PUDP: variants seen among roughly 807,000 people sequenced by gnomAD.
PUDP encodes pseudouridine-5'-phosphatase.
A neutral mutation model predicts 9.4 loss-of-function variants in PUDP; 8 were observed. The observed-to-expected ratio is 0.85, with a 90% CI of 0.50 to 1.53. The LOEUF (loss-of-function observed/expected upper bound fraction) is 1.53. PUDP is among the 40% of genes most tolerant of loss of function. The pLI, the probability that PUDP is intolerant of heterozygous loss-of-function variation, is 0.00. For missense variants in PUDP, 188 were observed against 189.7 expected (o/e 0.99, Z 0.05); for synonymous variants, 99 against 80.7 (o/e 1.23, Z -1.22).
rs35067802 is a variant in PUDP, at chrX:6,911,200, CT to C, written c.*247+65932del. On this transcript the variant is annotated intron_variant and NMD_transcript_variant, in intron 3 of 3. Coordinates refer to the PUDP transcript ENST00000655425. ...TGATTTTTTCTTTGATTTTCTTTTT[CT>C]TTTTTTTTTTTTGAGACAGAGCCTC... Among the ~76,000 whole-genome samples the C allele has an allele frequency of 4.8e-3, 484 of 100,249 alleles. 1 individual carries two copies. The highest frequency in any genetic ancestry group is 7.6e-3 in the Non-Finnish European group (372 of 49,076). The allele number at this position is 100,249 out of a possible 115,157, so 87.1% of individuals were successfully genotyped here. A position where few individuals can be genotyped will look rare whatever the true frequency, so the allele number is the denominator to read the frequency against.
chrX:7,143,821 CCT>C (rs1932821230), intron 1 of PUDP, among the ~76,000 whole-genome samples: 1 of 111,916 alleles, frequency 8.9e-6, no homozygotes, highest in South Asian at 3.7e-4. Context: ...AATCATGGCC[CCT>C]GAGATAAGGG....
chrX:6,946,971 G>GTT (rs58707505), intron 3 of PUDP, among the ~76,000 whole-genome samples: 10 of 82,722 alleles, frequency 1.2e-4, no homozygotes, highest in African/African-American at 3.7e-4. Flanking sequence ...TATATTGTCT[G>GTT]TTTTTTTTTG....
intron 3 of PUDP, among the ~76,000 whole-genome samples, chrX:6,949,165 G>A (rs957901612): frequency 9.8e-5 from 11 of 111,882 alleles, no homozygotes; most frequent in African/African-American, 3.2e-4. Flanking sequence ...GAAAGAAGGC[G>A]GTCTCTTCAT....
intron 3 of PUDP, among the ~76,000 whole-genome samples, chrX:6,851,256 A>G (rs1309084330): frequency 1.8e-5 from 2 of 112,440 alleles, no homozygotes; most frequent in East Asian, 5.6e-4. Context: ...TTTTCAAGCA[A>G]TGATACAATG....
chrX:7,008,295 C>T (rs758014291), intron 1 of PUDP, among the ~76,000 whole-genome samples: 5 of 111,373 alleles, frequency 4.5e-5, no homozygotes, highest in Non-Finnish European at 9.4e-5. Context: ...CTCTCTTTTC[C>T]ATATAATCCC....
intron 3 of PUDP, among the ~76,000 whole-genome samples, chrX:6,831,141 T>C (rs927788731): frequency 9.0e-6 from 1 of 111,646 alleles, no homozygotes; most frequent in Non-Finnish European, 1.9e-5. Flanking sequence ...CAAGATCAAA[T>C]GAGCCAGTTT....
chrX:6,773,114 G>A (rs1487707751), intron 3 of PUDP, among the ~76,000 whole-genome samples: 3 of 112,135 alleles, frequency 2.7e-5, no homozygotes, highest in Non-Finnish European at 3.8e-5. Flanking sequence ...AAAAGTTCAC[G>A]GTGTTTGGAG....
At chrX:6,770,302 T>C (rs1318252793) in intron 3 of PUDP, among the ~76,000 whole-genome samples, 2 of 111,990 alleles carry the variant, frequency 1.8e-5, no homozygotes, top group Non-Finnish European at 3.8e-5. Context: ...CAGAGTTGAG[T>C]AGATGCAACA....
rs566518427 is a variant in PUDP at position 6,995,700 on chromosome X, G to C, written c.205-17357C>G. 1.0e-4 allele frequency among the ~76,000 whole-genome samples: 11 copies of C among 108,859 alleles called. No homozygotes were observed. The South Asian group carries it at 4.3e-3, about 42-fold the overall frequency. The allele number at this position is 108,859 out of a possible 115,157, so 94.5% of individuals were successfully genotyped here. A position where few individuals can be genotyped will look rare whatever the true frequency, so the allele number is the denominator to read the frequency against. ...GATCATGCCAGTGCACTCCAGCCTG[G>C]GTGACAGAACAAGACTGTGTCACAA... On this transcript the variant is annotated intron_variant and NMD_transcript_variant, in intron 1 of 3. Transcript: ENST00000655425.
intron 3 of PUDP, among the ~76,000 whole-genome samples, chrX:6,912,498 C>A (rs1656180381): frequency 8.9e-6 from 1 of 111,938 alleles, no homozygotes; most frequent in South Asian, 3.7e-4. Flanking sequence ...TTCCCTCTTC[C>A]TGGCTGTTTA....
At chrX:6,902,024 C>A (rs1012755470) in intron 3 of PUDP, among the ~76,000 whole-genome samples, 11 of 110,393 alleles carry the variant, frequency 1.0e-4, no homozygotes, top group Non-Finnish European at 2.1e-4. Flanking sequence ...TAGGCACACA[C>A]CATCATTCCT....
intron 1 of PUDP, among the ~76,000 whole-genome samples, chrX:6,716,753 C>T (rs934196483): frequency 5.4e-5 from 6 of 110,876 alleles, no homozygotes; most frequent in Non-Finnish European, 1.9e-5. Flanking sequence ...GTGCCTCAGC[C>T]TTCTGAATAA....
At chrX:6,717,525 A>G (rs1924613652) in intron 1 of PUDP, among the ~76,000 whole-genome samples, 1 of 111,801 alleles carries the variant, frequency 8.9e-6, no homozygotes, top group Non-Finnish European at 1.9e-5. Context: ...TCCTCCTGGA[A>G]GCACTTTGTG....
intron 3 of PUDP, among the ~76,000 whole-genome samples, chrX:6,735,953 G>A (rs1173100631): frequency 1.9e-5 from 2 of 107,870 alleles, no homozygotes; most frequent in African/African-American, 6.8e-5. Flanking sequence ...GTGGGAGAAT[G>A]ACTTGAGCCT....
chrX:6,856,704 G>A (rs1173989793), intron 3 of PUDP, among the ~76,000 whole-genome samples: 20 of 111,759 alleles, frequency 1.8e-4, no homozygotes, highest in African/African-American at 5.5e-4. Context: ...CATTTTATGC[G>A]TCAACTTGAC....
intron 2 of PUDP, among the ~76,000 whole-genome samples, chrX:7,095,651 A>G (rs1477507208): frequency 1.8e-5 from 2 of 112,277 alleles, no homozygotes; most frequent in Non-Finnish European, 3.8e-5. Context: ...CATGTACACA[A>G]ATGGGTCCCT....
chrX:6,890,507 G>T (rs1927496500), intron 3 of PUDP, among the ~76,000 whole-genome samples: 1 of 111,685 alleles, frequency 9.0e-6, no homozygotes, highest in Non-Finnish European at 1.9e-5. Flanking sequence ...TGAATAAGGA[G>T]ACACTTTGCC....
chrX:6,790,837 C>T (rs900126795), intron 3 of PUDP, among the ~76,000 whole-genome samples: 1 of 111,911 alleles, frequency 8.9e-6, no homozygotes, highest in Non-Finnish European at 1.9e-5. Flanking sequence ...TCCATAGGGA[C>T]CTGAGTTACA....
chrX:6,835,266 G>A (rs1926564141), intron 3 of PUDP, among the ~76,000 whole-genome samples: 2 of 110,848 alleles, frequency 1.8e-5, no homozygotes, highest in South Asian at 7.7e-4. Context: ...GATTTCTGAT[G>A]ATAACTCAAA....
Sources: gnomAD v4.1 joint callset for allele counts (sites outside exome capture counted in the v4.1 genomes callset) on GRCh38, gnomAD v4.1.1 for gene constraint, MANE v1.5 for transcripts, NCBI Gene and HGNC (gene_info 2026-07-23, HGNC 2026-07-21) for gene names.